The following CTNNA2 variants were observed in gnomAD, a reference collection of about 807,000 sequenced individuals.
The protein encoded by CTNNA2 is catenin alpha 2, also known as catenin alpha-2.
A neutral mutation model predicts 101.0 loss-of-function variants in CTNNA2; 42 were observed. The observed-to-expected ratio is 0.42, with a 90% CI of 0.32 to 0.54. The LOEUF is 0.54. Among genes scored for constraint, CTNNA2 ranks in the 20% least tolerant of loss-of-function variants. The probability of loss-of-function intolerance (pLI) is 0.14; values close to 1 mark genes in which losing one functional copy is unlikely to be tolerated. For synonymous variants in CTNNA2, 450 were observed against 456.4 expected (o/e 0.99, Z 0.18); for missense variants, 871 against 1,223.1 (o/e 0.71, Z 4.29).
chr2:79,321,201 G>A (rs1676615055), intron 3 of CTNNA2, among the ~76,000 whole-genome samples: 1 of 152,076 alleles, frequency 6.6e-6, no homozygotes, highest in Non-Finnish European at 1.5e-5. Context: ...CCATTTTTCA[G>A]AACAATAACT....
intron 7 of CTNNA2, among the ~76,000 whole-genome samples, chr2:80,384,731 G>T (rs1335766440): frequency 6.6e-6 from 1 of 151,896 alleles, no homozygotes; most frequent in African/African-American, 2.4e-5. Flanking sequence ...TTTAGAGCTG[G>T]GTCAGTAATT....
chr2:80,470,253 C>T (rs1287939564), intron 9 of CTNNA2, among the ~76,000 whole-genome samples: 1 of 152,158 alleles, frequency 6.6e-6, no homozygotes, highest in East Asian at 1.9e-4. Flanking sequence ...GTTGAACATA[C>T]TTCTTGGCAA....
At chr2:79,421,781 C>T (rs997840224) in intron 4 of CTNNA2, among the ~76,000 whole-genome samples, 1 of 152,066 alleles carries the variant, frequency 6.6e-6, no homozygotes, top group Non-Finnish European at 1.5e-5. Context: ...AGGCATTAGT[C>T]AGGCTGTAGG....
intron 18 of CTNNA2, among the ~76,000 whole-genome samples, chr2:80,635,280 G>T (rs928895851): frequency 1.3e-5 from 2 of 152,032 alleles, no homozygotes; most frequent in Non-Finnish European, 2.9e-5. Flanking sequence ...GCATTATTCT[G>T]TGTCAACTCA....
chr2:80,013,717 T>G (rs114638173), intron 7 of CTNNA2, among the ~76,000 whole-genome samples: 2 of 152,308 alleles, frequency 1.3e-5, no homozygotes, highest in South Asian at 2.1e-4. Context: ...TGCGGGGTGA[T>G]GGGTCAAGCA....
intron 7 of CTNNA2, among the ~76,000 whole-genome samples, chr2:80,269,680 A>G (rs1392971882): frequency 2.0e-5 from 3 of 152,298 alleles, no homozygotes; most frequent in Non-Finnish European, 4.4e-5. Flanking sequence ...ACATATAAGA[A>G]CTATACAATC....
intron 7 of CTNNA2, among the ~76,000 whole-genome samples, chr2:80,240,879 G>T (rs1670882719): frequency 6.6e-6 from 1 of 152,152 alleles, no homozygotes; most frequent in South Asian, 2.1e-4. Context: ...ATCAGGGTAT[G>T]TATATTCAGG....
chr2:80,507,795 C>T (rs1688389517), intron 9 of CTNNA2, among the ~76,000 whole-genome samples: 1 of 152,122 alleles, frequency 6.6e-6, no homozygotes, highest in Non-Finnish European at 1.5e-5. Flanking sequence ...TAAGCATCCA[C>T]TGAGTGCTTC....
chr2:79,196,504 T>C (rs1050049588), intron 1 of CTNNA2, among the ~76,000 whole-genome samples: 2 of 152,196 alleles, frequency 1.3e-5, no homozygotes, highest in African/African-American at 4.8e-5. Context: ...GTGAATCAAA[T>C]AAAATATTTA....
intron 5 of CTNNA2, among the ~76,000 whole-genome samples, chr2:79,871,652 A>G (rs903652621): frequency 1.3e-5 from 2 of 152,206 alleles, no homozygotes; most frequent in Non-Finnish European, 2.9e-5. Flanking sequence ...TCACTGGCTC[A>G]CATGCCAGTC....
At chr2:80,599,502 A>G (rs1697274027) in intron 15 of CTNNA2, among the ~76,000 whole-genome samples, 1 of 152,194 alleles carries the variant, frequency 6.6e-6, no homozygotes, top group Non-Finnish European at 1.5e-5. Flanking sequence ...TTATGTAAGC[A>G]AAAGGAAATG....
At chr2:79,905,395 G>A (rs750178875) in intron 6 of CTNNA2, among the ~76,000 whole-genome samples, 2 of 152,098 alleles carry the variant, frequency 1.3e-5, no homozygotes, top group Non-Finnish European at 1.5e-5. Context: ...TAAGAATGCC[G>A]ACAGGAGATG....
rs985101185 is a variant in CTNNA2 at position 79,233,850 on chromosome 2, A to T, written c.-406+35774A>T. 6.6e-5 allele frequency among the ~76,000 whole-genome samples: 10 copies of T among 152,092 alleles called. No homozygotes were observed. In the East Asian group the frequency reaches 1.7e-3, roughly 26 times the overall value. On this transcript the variant is annotated intron_variant, in intron 2 of 21. Transcript: ENST00000466387. Reference sequence around the variant, plus strand: ...TTATTGTTGGTTTAAAATCTATTTTATATGGTATAAGAATAATGCTCCTTT... The same window carrying T: ...TTATTGTTGGTTTAAAATCTATTTTTTATGGTATAAGAATAATGCTCCTTT...
chr2:80,584,493 T>A (rs1044461309), intron 14 of CTNNA2, among the ~76,000 whole-genome samples: 2 of 151,850 alleles, frequency 1.3e-5, no homozygotes, highest in Admixed American at 6.6e-5. Context: ...GGTGATCTGA[T>A]AAAATATGGA....
At chr2:80,105,726 C>A (rs930114515) in intron 7 of CTNNA2, among the ~76,000 whole-genome samples, 2 of 151,160 alleles carry the variant, frequency 1.3e-5, no homozygotes, top group Non-Finnish European at 2.9e-5. Context: ...AGAGGGAGAT[C>A]TTGTCTCAAA....
At chr2:79,416,257 CTTTTTTTTTTTTTTT>C (rs66830925) in intron 4 of CTNNA2, among the ~76,000 whole-genome samples, 3 of 94,656 alleles carry the variant, frequency 3.2e-5, no homozygotes, top group Non-Finnish European at 4.2e-5. Context: ...CTTTCCTTTT[CTTTTTTTTTTTTTTT>C]TTTTTTTTTG....
chr2:80,203,987 C>T (rs1164631833), intron 7 of CTNNA2, among the ~76,000 whole-genome samples: 1 of 152,188 alleles, frequency 6.6e-6, no homozygotes, highest in East Asian at 1.9e-4. Flanking sequence ...AGGCTTCCAC[C>T]CTCTGAAGCA....
intron 3 of CTNNA2, among the ~76,000 whole-genome samples, chr2:79,769,486 C>T (rs1673419772): frequency 6.6e-6 from 1 of 152,214 alleles, no homozygotes; most frequent in African/African-American, 2.4e-5. Flanking sequence ...ACGTAGATTA[C>T]ATCTCCAGAA....
At position 80,523,938 on chromosome 2, in the gene CTNNA2, C is replaced by T. The variant is rs577090728; in HGVS notation, c.1291-21044C>T. On this transcript the variant is annotated intron_variant, in intron 9 of 18. Coordinates refer to ENST00000402739, the MANE Select transcript of CTNNA2 (RefSeq NM_001282597.3). Reference sequence around the variant, plus strand: ...GCTTCCTAGATGATGTGAGGCATGACTTTGACCTTAGGATAGGCAGAGGTA... The same window carrying T: ...GCTTCCTAGATGATGTGAGGCATGATTTTGACCTTAGGATAGGCAGAGGTA... 4.7e-4 allele frequency among the ~76,000 whole-genome samples: 71 copies of T among 152,264 alleles called. No homozygotes were observed. The South Asian group carries it at 0.014, about 30-fold the overall frequency.
Sources: gnomAD v4.1 joint callset for allele counts (sites outside exome capture counted in the v4.1 genomes callset) on GRCh38, gnomAD v4.1.1 for gene constraint, MANE v1.5 for transcripts, NCBI Gene and HGNC (gene_info 2026-07-23, HGNC 2026-07-21) for gene names.